The following ATRNL1 variants were observed in gnomAD, a reference collection of about 807,000 sequenced individuals.
ATRNL1 encodes the protein attractin-like protein 1.
Under a neutral mutation model 182.7 loss-of-function variants are expected in ATRNL1, and 95 were observed. The ratio of observed to expected loss-of-function variants is 0.52; its 90% CI spans 0.44 to 0.62. ATRNL1 has a LOEUF of 0.62. ATRNL1 is among the 20% of genes least tolerant of loss of function. ATRNL1 has a pLI of 0.00. For missense variants in ATRNL1, 1,471 were observed against 1,679.5 expected (o/e 0.88, Z 2.17); for synonymous variants, 576 against 568.3 (o/e 1.01, Z -0.19).
chr10:115,772,591 C>CTGTGTGTGTGTGTG (rs1491162323), intron 27 of ATRNL1, among the ~76,000 whole-genome samples: 1 of 130,556 alleles, frequency 7.7e-6, no homozygotes, highest in Non-Finnish European at 1.7e-5. Context: ...AAAATATATA[C>CTGTGTGTGTGTGTG]TCTGTCTGTG....
At chr10:115,846,276 A>C (rs558404260) in intron 27 of ATRNL1, among the ~76,000 whole-genome samples, 1 of 152,206 alleles carries the variant, frequency 6.6e-6, no homozygotes, top group African/African-American at 2.4e-5. Flanking sequence ...TTAAAACATG[A>C]GATTTATGTT....
At chr10:115,442,920 G>T (rs1846767400) in intron 21 of ATRNL1, among the ~76,000 whole-genome samples, 1 of 151,916 alleles carries the variant, frequency 6.6e-6, no homozygotes, top group African/African-American at 2.4e-5. Context: ...TTAAAATTTA[G>T]AATGCTCCTT....
chr10:115,737,281 A>AG (rs1947982799), intron 27 of ATRNL1, among the ~76,000 whole-genome samples: 2 of 140,884 alleles, frequency 1.4e-5, no homozygotes, highest in Admixed American at 6.9e-5. Context: ...CCCCCCCCCC[A>AG]AAAAAAAAGG....
intron 21 of ATRNL1, among the ~76,000 whole-genome samples, chr10:115,444,528 A>G (rs1231531280): frequency 6.6e-6 from 1 of 151,756 alleles, no homozygotes; most frequent in South Asian, 2.1e-4. Flanking sequence ...TTTTAAAAAT[A>G]TTCATATTTC....
chr10:115,939,177 T>G (rs372234429), intron 28 of ATRNL1, among the ~76,000 whole-genome samples: 167 of 152,320 alleles, frequency 1.1e-3, no homozygotes, highest in Admixed American at 2.7e-3. Flanking sequence ...CTGTGGTAAC[T>G]CTTGGCCTCC....
In ATRNL1 at chr10:115,135,211, G is replaced by T. The variant is rs574362834; in HGVS notation, c.829+5676G>T. Among the ~76,000 whole-genome samples, 751 of 152,172 alleles carry T rather than the reference G, an allele frequency of 4.9e-3. 10 individuals are homozygous for T. The highest frequency in any genetic ancestry group is 0.017 in the African/African-American group (687 of 41,482). On this transcript the variant is annotated intron_variant, in intron 5 of 28. Coordinates refer to ENST00000355044, the MANE Select transcript of ATRNL1 (RefSeq NM_207303.4). ...GGCAATCAGGCAGGAGAAAGAAATAGAAGGTATTCAATTAGGAAAAGAGGA... is the reference window on the plus strand; with the variant it reads ...GGCAATCAGGCAGGAGAAAGAAATATAAGGTATTCAATTAGGAAAAGAGGA...
chr10:115,394,589 A>G (rs1564995284), intron 19 of ATRNL1, 70 bp from the exon 20 acceptor site: 3 of 1,184,400 alleles, frequency 2.5e-6, no homozygotes, highest in Non-Finnish European at 3.8e-6. Flanking sequence ...GGTAATAATA[A>G]TACTTGAAAT....
At chr10:115,728,362 A>G (rs556977368) in intron 27 of ATRNL1, among the ~76,000 whole-genome samples, 1 of 151,432 alleles carries the variant, frequency 6.6e-6, no homozygotes, top group African/African-American at 2.4e-5. Flanking sequence ...TGACTATTCA[A>G]AGCATTATGA....
At chr10:115,593,845 C>G (rs1054969626) in intron 26 of ATRNL1, among the ~76,000 whole-genome samples, 4 of 152,052 alleles carry the variant, frequency 2.6e-5, no homozygotes, top group African/African-American at 7.2e-5. Context: ...CACTTATTAT[C>G]ATTATCCTGT....
intron 26 of ATRNL1, among the ~76,000 whole-genome samples, chr10:115,697,381 G>A (rs1259960018): frequency 6.6e-6 from 1 of 151,990 alleles, no homozygotes. Context: ...TGTTGCTCAG[G>A]CTGGAGTGAT....
intron 8 of ATRNL1, among the ~76,000 whole-genome samples, chr10:115,198,700 G>T (rs983094013): frequency 6.6e-6 from 1 of 152,056 alleles, no homozygotes; most frequent in African/African-American, 2.4e-5. Context: ...TGAAATGAGG[G>T]TCTAATTTTA....
At chr10:115,126,044 CAG>C (rs1238649156) in intron 3 of ATRNL1, among the ~76,000 whole-genome samples, 3 of 152,196 alleles carry the variant, frequency 2.0e-5, no homozygotes, top group Admixed American at 2.0e-4. Context: ...AAAAACCAAA[CAG>C]ATCTATTCTT....
intron 26 of ATRNL1, among the ~76,000 whole-genome samples, chr10:115,589,696 C>A (rs1206621982): frequency 6.6e-6 from 1 of 152,122 alleles, no homozygotes; most frequent in Non-Finnish European, 1.5e-5. Flanking sequence ...TTTAGCAAAT[C>A]TCATTAATTT....
intron 28 of ATRNL1, among the ~76,000 whole-genome samples, chr10:115,871,396 C>A (rs1951576403): frequency 6.7e-6 from 1 of 149,172 alleles, no homozygotes; most frequent in East Asian, 2.0e-4. Flanking sequence ...ATAAATCTCA[C>A]TGATAGGTTG....
chr10:115,504,297 C>A (rs1849998221), intron 24 of ATRNL1, among the ~76,000 whole-genome samples: 1 of 151,986 alleles, frequency 6.6e-6, no homozygotes, highest in African/African-American at 2.4e-5. Context: ...GATTCTTGTT[C>A]ATTCCTCGGT....
At chr10:115,295,148 G>T (rs1853115990) in intron 15 of ATRNL1, among the ~76,000 whole-genome samples, 1 of 152,086 alleles carries the variant, frequency 6.6e-6, no homozygotes, top group Non-Finnish European at 1.5e-5. Context: ...GGCCTGGAAA[G>T]ATTTTTTCCA....
Position 115,589,329 on chromosome 10 carries a change from A to G in ATRNL1, c.3795+39793A>G, listed in dbSNP as rs12246781. On this transcript the variant is annotated intron_variant, in intron 26 of 28. Coordinates refer to ENST00000355044, the MANE Select transcript of ATRNL1 (RefSeq NM_207303.4). ...CTTAAAATTAATTACTCTTTGATCA[A>G]TAATCTTGGTCAAAAAGAGGGCTTC... is the stretch of plus-strand genomic sequence containing the variant. Among the ~76,000 whole-genome samples the G allele has an allele frequency of 8.8e-3, 1,337 of 152,300 alleles. 23 individuals carry two copies. Among genetic ancestry groups the G allele is most frequent in the African/African-American group, 0.03 (1,263 of 41,582 alleles).
chr10:115,171,975 T>C (rs1038733491), intron 8 of ATRNL1, among the ~76,000 whole-genome samples: 2 of 152,200 alleles, frequency 1.3e-5, no homozygotes, highest in East Asian at 3.9e-4. Flanking sequence ...ATAATTCTTT[T>C]CTGGCTCTGG....
chr10:115,940,929 T>G (rs1268700570), intron 28 of ATRNL1, among the ~76,000 whole-genome samples: 2 of 152,222 alleles, frequency 1.3e-5, no homozygotes, highest in African/African-American at 4.8e-5. Context: ...TTATTATGAT[T>G]ATTATCCTGT....
Sources: gnomAD v4.1 joint callset for allele counts (sites outside exome capture counted in the v4.1 genomes callset) on GRCh38, gnomAD v4.1.1 for gene constraint, MANE v1.5 for transcripts, NCBI Gene and HGNC (gene_info 2026-07-23, HGNC 2026-07-21) for gene names.